Variants in WWOX observed in about 807,000 individuals in gnomAD.
WWOX encodes the protein WW domain containing oxidoreductase.
In WWOX, 69 loss-of-function variants were observed where a neutral mutation model predicts 46.2. The observed-to-expected ratio is 1.49, with a 90% CI of 1.23 to 1.82. WWOX has a LOEUF of 1.82. Ranked by LOEUF, WWOX falls within the 40% of genes most tolerant of loss-of-function variation. WWOX has a pLI of 0.00. For synonymous variants in WWOX, 359 were observed against 202.6 expected (o/e 1.77, Z -6.56); for missense variants, 919 against 542.6 (o/e 1.69, Z -6.89).
intron 8 of WWOX, among the ~76,000 whole-genome samples, chr16:79,033,941 T>A (rs1018297412): frequency 6.6e-6 from 1 of 152,152 alleles, no homozygotes; most frequent in Non-Finnish European, 1.5e-5. Context: ...ACAGGGATGT[T>A]GGAACTGGGT....
chr16:78,262,590 A>G (rs1780186009), intron 5 of WWOX, among the ~76,000 whole-genome samples: 1 of 152,196 alleles, frequency 6.6e-6, no homozygotes, highest in African/African-American at 2.4e-5. Flanking sequence ...ACCATCCAGC[A>G]TATAAGGCAT....
chr16:78,308,610 C>G (rs955229598), intron 5 of WWOX, among the ~76,000 whole-genome samples: 1 of 152,184 alleles, frequency 6.6e-6, no homozygotes, highest in African/African-American at 2.4e-5. Flanking sequence ...TGTTTCTTGT[C>G]TACATTCTGT....
rs1272331417 is a variant in WWOX at position 78,589,521 on chromosome 16, G to C, written c.1056+156769G>C. Among the ~76,000 whole-genome samples, 3 of 152,270 alleles carry C rather than the reference G, an allele frequency of 2.0e-5. No homozygotes were observed. The East Asian group carries it at 5.8e-4, about 29-fold the overall frequency. On this transcript the variant is annotated intron_variant, in intron 8 of 8. Transcript: ENST00000566780. ...CAGCCTCCCTGCCCATGGCACTCAA[G>C]AGTCCACCTTGGCAGAACCTGCAAC...
Position 78,911,258 on chromosome 16 carries a change from G to GT in WWOX, c.1057-300344dup, listed in dbSNP as rs147961890. On this transcript the variant is annotated intron_variant, in intron 8 of 8. Transcript: ENST00000566780. ...ATTTTGGTGATTTCCATTCAAATCT[G>GT]TTTTTTGTCATAACTACCTTGCTTG... 2.8e-3 allele frequency among the ~76,000 whole-genome samples: 426 copies of GT among 152,118 alleles called. 6 individuals are homozygous for GT. Among genetic ancestry groups the GT allele is most frequent in the African/African-American group, 1.0e-2 (415 of 41,534 alleles).
chr16:78,967,291 T>C (rs1410815149), intron 8 of WWOX, among the ~76,000 whole-genome samples: 6 of 38,516 alleles, frequency 1.6e-4, no homozygotes, highest in African/African-American at 4.3e-4. Context: ...GAGGCCTTTT[T>C]TTTTTTTTTT....
intron 5 of WWOX, among the ~76,000 whole-genome samples, chr16:78,266,459 T>C (rs1466738561): frequency 6.6e-6 from 1 of 152,144 alleles, no homozygotes; most frequent in East Asian, 1.9e-4. Flanking sequence ...TCCAGAAAGC[T>C]TGGCAACCCC....
chr16:78,584,431 A>G (rs2045143052), intron 8 of WWOX, among the ~76,000 whole-genome samples: 1 of 152,236 alleles, frequency 6.6e-6, no homozygotes, highest in African/African-American at 2.4e-5. Flanking sequence ...CTTAGCTTAC[A>G]TTTTGTCATG....
chr16:78,441,239 T>A (rs115701883), intron 8 of WWOX, among the ~76,000 whole-genome samples: 3,245 of 152,304 alleles, frequency 0.021, 60 homozygotes, highest in African/African-American at 0.047. Flanking sequence ...TCTTATTTAA[T>A]GTCTGTCCCC....
At chr16:79,095,536 G>T (rs2049050453) in intron 8 of WWOX, among the ~76,000 whole-genome samples, 1 of 152,180 alleles carries the variant, frequency 6.6e-6, no homozygotes, top group Admixed American at 6.5e-5. Flanking sequence ...AGGAGATGCA[G>T]GGTGAGGCGC....
chr16:78,923,920 C>G (rs546705816), intron 8 of WWOX, among the ~76,000 whole-genome samples: 3 of 151,714 alleles, frequency 2.0e-5, no homozygotes, highest in East Asian at 3.9e-4. Context: ...CTGCCTCAGC[C>G]TCCCGAGCAG....
chr16:78,256,320 G>A (rs148189029), intron 5 of WWOX, among the ~76,000 whole-genome samples: 1 of 152,046 alleles, frequency 6.6e-6, no homozygotes, highest in African/African-American at 2.4e-5. Context: ...CCCCCTGTCA[G>A]CCCACAGCAC....
At chr16:78,926,675 T>G (rs2045505956) in intron 8 of WWOX, among the ~76,000 whole-genome samples, 1 of 152,232 alleles carries the variant, frequency 6.6e-6, no homozygotes, top group South Asian at 2.1e-4. Context: ...CTTTATCATT[T>G]GTTCAGGTGT....
intron 8 of WWOX, among the ~76,000 whole-genome samples, chr16:78,690,362 G>A (rs899105040): frequency 1.3e-5 from 2 of 152,102 alleles, no homozygotes; most frequent in Non-Finnish European, 2.9e-5. Flanking sequence ...ACTGCCCTGG[G>A]CAGCACAGTG....
intron 5 of WWOX, among the ~76,000 whole-genome samples, chr16:78,249,162 G>A (rs535952785): frequency 3.5e-4 from 54 of 152,194 alleles, no homozygotes; most frequent in African/African-American, 1.2e-3. Flanking sequence ...GTCATGCCCC[G>A]TTTTATAGAT....
chr16:78,557,688 G>GTTTTTTTTTT (rs1567642864), intron 8 of WWOX, among the ~76,000 whole-genome samples: 13 of 107,128 alleles, frequency 1.2e-4, no homozygotes, highest in African/African-American at 2.4e-4. Context: ...TCTAGGGAAG[G>GTTTTTTTTTT]ATTTTTTTTT....
At chr16:78,135,716 A>C (rs370498239) in intron 4 of WWOX, among the ~76,000 whole-genome samples, 1 of 151,912 alleles carries the variant, frequency 6.6e-6, no homozygotes, top group East Asian at 1.9e-4. Flanking sequence ...AACAAACAAC[A>C]AAAAAAACAC....
chr16:78,365,740 G>T (rs11859449), intron 5 of WWOX, among the ~76,000 whole-genome samples: 3,803 of 152,150 alleles, frequency 0.025, 142 homozygotes, highest in African/African-American at 0.08. Context: ...CTTATTTCTT[G>T]TTTTTTGTTC....
At chr16:78,536,361 A>C (rs116553799) in intron 8 of WWOX, among the ~76,000 whole-genome samples, 2,596 of 151,928 alleles carry the variant, frequency 0.017, 42 homozygotes, top group African/African-American at 0.037. Flanking sequence ...TTCCATGAGA[A>C]AGAAGCTGCG....
At chr16:78,164,065 A>C in intron 4 of WWOX, 118 bp from the exon 5 acceptor site, 1 of 965,688 alleles carries the variant, frequency 1.0e-6, no homozygotes, top group Admixed American at 2.0e-5. Flanking sequence ...CTGGGGATCA[A>C]AATCACCCCT....
Sources: allele counts gnomAD v4.1 joint callset (sites outside exome capture counted in the v4.1 genomes callset), GRCh38; gene constraint gnomAD v4.1.1; transcripts MANE v1.5; gene names NCBI Gene and HGNC (gene_info 2026-07-23, HGNC 2026-07-21).